PKHD1: variants seen among roughly 807,000 people sequenced by gnomAD.
PKHD1 encodes PKHD1 ciliary IPT domain containing fibrocystin/polyductin, also known as fibrocystin.
PKHD1 carries 291 observed loss-of-function variants against 412.0 expected under a neutral mutation model. The observed-to-expected ratio is 0.71, with a 90% confidence interval of 0.64 to 0.78. The LOEUF is 0.78. PKHD1 is among the 30% of genes least tolerant of loss of function. The pLI is 0.00. For synonymous variants in PKHD1, 1,777 were observed against 1,821.5 expected (o/e 0.98, Z 0.62); for missense variants, 4,825 against 4,950.7 (o/e 0.97, Z 0.76).
At chr6:52,038,390 A>G (rs1804281645) in intron 27 of PKHD1, among the ~76,000 whole-genome samples, 1 of 146,486 alleles carries the variant, frequency 6.8e-6, no homozygotes. Context: ...AAAAAAAAAA[A>G]GTTGGCAGGG....
chr6:52,085,010 C>T lies in PKHD1; in HGVS notation c.-77G>A. The T allele has an allele frequency of 1.0e-6, 1 of 960,776 alleles. No homozygotes were observed. The highest frequency in any genetic ancestry group is 1.7e-6 in the Non-Finnish European group (1 of 590,508). 59.5% of individuals were successfully genotyped at this position (960,776 alleles called of 1,614,324 possible). A position where few individuals can be genotyped will look rare whatever the true frequency, so the allele number is the denominator to read the frequency against. ...TTCAGTTTTGATTGGAGCAGCATAG[C>T]TTTTGTGCTTTATAAAAACAAAAAA... On this transcript the variant is annotated 5_prime_UTR_variant, in exon 2 of 67. Coordinates refer to ENST00000371117, the MANE Select transcript of PKHD1 (RefSeq NM_138694.4).
chr6:51,698,858 G>A (rs757581466), intron 60 of PKHD1, among the ~76,000 whole-genome samples: 16 of 152,298 alleles, frequency 1.1e-4, no homozygotes, highest in Admixed American at 2.0e-4. Context: ...GCAACTCTGC[G>A]TTTTGAATAA....
At chr6:51,844,904 C>T (rs994513020) in intron 50 of PKHD1, among the ~76,000 whole-genome samples, 5 of 152,184 alleles carry the variant, frequency 3.3e-5, no homozygotes, top group African/African-American at 9.7e-5. Flanking sequence ...TTTCTGTATA[C>T]ACACATTTCC....
chr6:52,046,481 A>G (rs1805859248), intron 23 of PKHD1, among the ~76,000 whole-genome samples: 1 of 152,228 alleles, frequency 6.6e-6, no homozygotes, highest in Non-Finnish European at 1.5e-5. Context: ...CTGTCAACTC[A>G]AAATGTAAAC....
chr6:51,917,712 T>C (rs769481419), intron 37 of PKHD1, among the ~76,000 whole-genome samples: 6 of 152,158 alleles, frequency 3.9e-5, no homozygotes, highest in South Asian at 4.1e-4. Context: ...CTGCTACATA[T>C]GTGGCATGGC....
chr6:51,848,664 G>A (rs916307721), intron 49 of PKHD1, among the ~76,000 whole-genome samples: 1 of 152,136 alleles, frequency 6.6e-6, no homozygotes, highest in East Asian at 1.9e-4. Context: ...CAAGAAAAGA[G>A]AGGCGTACAT....
chr6:52,043,764 G>A lies in PKHD1; in HGVS notation c.2716-34C>T, dbSNP rs567067304. ...AGGCAAAATTTCTTTTCCATTTTAT[G>A]CATTTCATATCTACCAGGGTATTCA... On this transcript the variant is annotated intron_variant, in intron 25 of 66. Coordinates refer to ENST00000371117, the MANE Select transcript of PKHD1 (RefSeq NM_138694.4). The A allele has an allele frequency of 3.5e-6, 5 of 1,430,680 alleles. No individual in the cohort carries two copies. In the East Asian group the frequency reaches 9.1e-5, roughly 26 times the overall value. 88.6% of individuals were successfully genotyped at this position (1,430,680 alleles called of 1,614,324 possible).
rs56071124 is a variant in PKHD1, at chr6:51,717,058, T to G, written c.10156+27327A>C. Among the ~76,000 whole-genome samples the G allele has an allele frequency of 7.6e-3, 1,155 of 152,330 alleles. 10 individuals carry two copies. The highest frequency in any genetic ancestry group is 0.013 in the Non-Finnish European group (897 of 68,030). Reference sequence around the variant, plus strand: ...CAAATACTTATGTGTTGCTTAAGGTTCTTAGAGTTGTGACTCTCTTCCTTG... The same window carrying G: ...CAAATACTTATGTGTTGCTTAAGGTGCTTAGAGTTGTGACTCTCTTCCTTG... On this transcript the variant is annotated intron_variant, in intron 60 of 66. Transcript: ENST00000371117.
rs1787094080 is a variant in PKHD1 at position 51,934,181 on chromosome 6, G to C, written c.6050C>G (p.Ser2017Cys). 6.2e-7 allele frequency: 1 copy of C among 1,613,318 alleles called. No individual in the cohort carries two copies. Among genetic ancestry groups the C allele is most frequent in the Non-Finnish European group, 8.5e-7 (1 of 1,179,244 alleles). ...ATAGGGAAAGAAGGGAGTTGAGTAG[G>C]AACTCCCGTAGAGTGTGATCTGAGC... ...GRAQITLYGS[S>C]YSTPFFPYGV... is the part of the protein sequence containing the mutation. Residue 2017 changes from serine (S) to cysteine (C), a missense_variant, in exon 37 of 67, where the codon TCC (serine) becomes TGC (cysteine). Ser to Cys is a moderately radical substitution (Grantham distance 112, BLOSUM62 -1). Transcript: ENST00000371117.
chr6:51,658,712 A>G (rs956673195), intron 61 of PKHD1, among the ~76,000 whole-genome samples: 8 of 152,112 alleles, frequency 5.3e-5, no homozygotes, highest in Non-Finnish European at 8.8e-5. Context: ...CACCTTAAGG[A>G]ATCAAAATAT....
At chr6:51,687,715 ATCT>A (rs754882129) in intron 60 of PKHD1, among the ~76,000 whole-genome samples, 3 of 152,206 alleles carry the variant, frequency 2.0e-5, no homozygotes, top group Non-Finnish European at 4.4e-5. Context: ...GTCTCTTGAC[ATCT>A]GTGTCTAATG....
At chr6:52,076,549 G>A (rs938560987) in intron 5 of PKHD1, among the ~76,000 whole-genome samples, 10 of 152,138 alleles carry the variant, frequency 6.6e-5, no homozygotes, top group Admixed American at 2.0e-4. Context: ...ATGAGGTAGA[G>A]GTAATTTGAT....
intron 2 of PKHD1, among the ~76,000 whole-genome samples, chr6:52,083,924 T>C (rs1488831378): frequency 4.6e-5 from 7 of 151,954 alleles, no homozygotes; most frequent in Non-Finnish European, 1.0e-4. Flanking sequence ...CTTGCCTGCT[T>C]AGAGAGGGGG....
Position 51,659,328 on chromosome 6 carries a change from C to T in PKHD1, c.10798G>A (p.Glu3600Lys). ...AAGGTCTCTTCATGGCCAGGCATCT[C>T]GTGAATAAACCTGATTTGGTTTTGG... is the stretch of plus-strand genomic sequence containing the variant. ...IGQNQIRFIH[E>K]MPGHEETLKA... The change falls in exon 61 of 67, where the codon GAG becomes AAG. Residue 3600 changes from glutamate to lysine, a missense_variant. Transcript: ENST00000371117. The T allele has an allele frequency of 1.7e-5, 27 of 1,613,840 alleles. No homozygotes were observed. The highest frequency in any genetic ancestry group is 2.3e-5 in the Non-Finnish European group (27 of 1,179,882).
intron 52 of PKHD1, among the ~76,000 whole-genome samples, chr6:51,811,434 GGACATTT>G (rs1358708323): frequency 1.3e-5 from 2 of 152,126 alleles, no homozygotes; most frequent in East Asian, 3.9e-4. Flanking sequence ...AAAGGATGCA[GGACATTT>G]GTCATTACTG....
In PKHD1 at chr6:51,856,036, TG is replaced by T. The variant is rs1432605856; in HGVS notation, c.7767del (p.Met2590Ter). On this transcript the variant is annotated frameshift_variant, in exon 49 of 67. Transcript: ENST00000371117. LOFTEE classifies it high-confidence loss of function. The stretch of plus-strand genomic sequence containing the variant: ...GTTGTTTTATTTCTGCTGTCAGTCA[TG>T]GTTAAATCATAAGAAACTTCAGGAG... ...ANTPEVSYDL[T>X]MTDSRNKTTT... The T allele has an allele frequency of 6.2e-7, 1 of 1,608,532 alleles. No individual in the cohort carries two copies. Among genetic ancestry groups the T allele is most frequent in the Non-Finnish European group, 8.5e-7 (1 of 1,175,092 alleles).
At chr6:52,060,747 T>C (rs1808550667) in intron 14 of PKHD1, among the ~76,000 whole-genome samples, 1 of 152,166 alleles carries the variant, frequency 6.6e-6, no homozygotes, top group Non-Finnish European at 1.5e-5. Context: ...TATAAAGATG[T>C]TTTTAAATTT....
chr6:51,795,421 T>C (rs1794448352), intron 52 of PKHD1, among the ~76,000 whole-genome samples: 1 of 152,204 alleles, frequency 6.6e-6, no homozygotes, highest in African/African-American at 2.4e-5. Flanking sequence ...CTTAAGAAGC[T>C]TTTGGGCTGA....
intron 37 of PKHD1, among the ~76,000 whole-genome samples, chr6:51,915,415 C>T (rs1006847468): frequency 2.6e-5 from 4 of 152,106 alleles, no homozygotes; most frequent in Non-Finnish European, 5.9e-5. Context: ...GAATTTGTCT[C>T]CCCCACTAAA....
Sources: gnomAD v4.1 joint callset for allele counts (sites outside exome capture counted in the v4.1 genomes callset) on GRCh38, gnomAD v4.1.1 for gene constraint, MANE v1.5 for transcripts, NCBI Gene and HGNC (gene_info 2026-07-23, HGNC 2026-07-21) for gene names.